GLRX3: variants seen among roughly 807,000 people sequenced by gnomAD.
GLRX3 encodes glutaredoxin-3.
A neutral mutation model predicts 49.5 loss-of-function variants in GLRX3; 22 were observed. The observed-to-expected ratio is 0.44, with a 90% CI of 0.32 to 0.63. GLRX3 has a LOEUF of 0.63. GLRX3 is among the 30% of genes least tolerant of loss of function. The pLI is 0.05. For missense variants in GLRX3, 385 were observed against 396.3 expected, an observed-to-expected ratio of 0.97 and a Z score of 0.24; for synonymous variants, 133 against 140.0, an observed-to-expected ratio of 0.95 and a Z score of 0.35.
At chr10:130,161,754 T>G (rs1862580635) in intron 4 of GLRX3, among the ~76,000 whole-genome samples, 1 of 152,232 alleles carries the variant, frequency 6.6e-6, no homozygotes, top group African/African-American at 2.4e-5. Context: ...ATGATGCTGT[T>G]GAGACTCTAA....
chr10:130,155,210 C>T (rs1416877077), intron 2 of GLRX3, among the ~76,000 whole-genome samples: 1 of 152,102 alleles, frequency 6.6e-6, no homozygotes, highest in Non-Finnish European at 1.5e-5. Flanking sequence ...TGCAGAGTGT[C>T]AAAGCAAAAG....
At chr10:130,169,589 G>A (rs1199995451) in intron 7 of GLRX3, 99 bp downstream of exon 7, 4 of 785,936 alleles carry the variant, frequency 5.1e-6, no homozygotes, top group Middle Eastern at 2.4e-4. Context: ...AGCTAATGAA[G>A]CTGTAGCGAT....
At chr10:130,148,938 G>A (rs1450783737) in intron 2 of GLRX3, among the ~76,000 whole-genome samples, 1 of 152,008 alleles carries the variant, frequency 6.6e-6, no homozygotes, top group East Asian at 1.9e-4. Context: ...TACACCTGTT[G>A]CCCCAGCTAC....
chr10:130,175,023 A>G lies in GLRX3; in HGVS notation c.891A>G (p.Ser297=), dbSNP rs1403732132. Residue 297 remains serine, a synonymous_variant, in exon 10 of 11, where the codon TCA becomes TCG. Coordinates refer to ENST00000331244, the MANE Select transcript of GLRX3 (RefSeq NM_006541.5). ...EEVRQGLKAY[S]NWPTYPQLYV... is the part of the protein sequence containing the mutation. Reference sequence around the variant, plus strand: ...TTCGGCAAGGATTAAAAGCTTACTCAAATTGGCCAACATACCCTCAGCTGT... The same window carrying G: ...TTCGGCAAGGATTAAAAGCTTACTCGAATTGGCCAACATACCCTCAGCTGT... 6.2e-7 allele frequency: 1 copy of G among 1,610,160 alleles called. No homozygotes were observed. Among genetic ancestry groups the G allele is most frequent in the East Asian group, 2.2e-5 (1 of 44,874 alleles).
chr10:130,174,827 T>G (rs192983335), intron 8 of GLRX3, 40 bp from the exon 9 acceptor site: 4 of 1,310,804 alleles, frequency 3.1e-6, no homozygotes. Flanking sequence ...CACTTTGATT[T>G]AACTGTATTT....
At chr10:130,168,589 C>T (rs553456117) in intron 6 of GLRX3, among the ~76,000 whole-genome samples, 4 of 152,312 alleles carry the variant, frequency 2.6e-5, no homozygotes, top group South Asian at 2.1e-4. Context: ...TGACCACAGG[C>T]GTCCGCCACC....
At chr10:130,162,306 G>T (rs888193579) in intron 4 of GLRX3, among the ~76,000 whole-genome samples, 5 of 152,134 alleles carry the variant, frequency 3.3e-5, no homozygotes, top group Admixed American at 3.3e-4. Flanking sequence ...TCTTAGTTCT[G>T]CCTAAAAAAT....
intron 2 of GLRX3, among the ~76,000 whole-genome samples, chr10:130,152,651 G>A (rs1240991135): frequency 1.3e-5 from 2 of 152,162 alleles, no homozygotes; most frequent in Non-Finnish European, 1.5e-5. Flanking sequence ...TGGCTTGTAG[G>A]GTTTCTGCCG....
intron 2 of GLRX3, among the ~76,000 whole-genome samples, chr10:130,156,244 C>T (rs1045927740): frequency 3.9e-5 from 6 of 152,170 alleles, no homozygotes; most frequent in African/African-American, 1.2e-4. Context: ...ACCTTGTTGC[C>T]GTGTCCTCAC....
At chr10:130,141,859 G>GCT (rs1862181436) in intron 1 of GLRX3, among the ~76,000 whole-genome samples, 1 of 152,184 alleles carries the variant, frequency 6.6e-6, no homozygotes, top group Non-Finnish European at 1.5e-5. Flanking sequence ...ATTGCTGGAG[G>GCT]CTATGGTGGG....
chr10:130,171,717 G>C (rs987658771), intron 8 of GLRX3, 81 bp downstream of exon 8: 12 of 840,242 alleles, frequency 1.4e-5, no homozygotes, highest in Non-Finnish European at 2.3e-5. Flanking sequence ...TATAATCCTA[G>C]CACTTTGGGA....
chr10:130,162,606 T>G (rs1282700078), intron 4 of GLRX3, among the ~76,000 whole-genome samples: 1 of 152,224 alleles, frequency 6.6e-6, no homozygotes, highest in Non-Finnish European at 1.5e-5. Flanking sequence ...CTGTGAAATG[T>G]GGGTGAAGCA....
chr10:130,148,987 G>T (rs1347822588), intron 2 of GLRX3, among the ~76,000 whole-genome samples: 1 of 152,132 alleles, frequency 6.6e-6, no homozygotes, highest in Admixed American at 6.5e-5. Context: ...AAGTCCAGGA[G>T]TTAGAGGCTG....
intron 2 of GLRX3, among the ~76,000 whole-genome samples, chr10:130,156,887 C>T (rs924148150): frequency 1.3e-5 from 2 of 152,080 alleles, no homozygotes; most frequent in African/African-American, 4.8e-5. Flanking sequence ...TTTGGTTGGT[C>T]CTGAAGTCTT....
intron 2 of GLRX3, among the ~76,000 whole-genome samples, chr10:130,154,152 G>A (rs1862432260): frequency 6.6e-6 from 1 of 152,202 alleles, no homozygotes; most frequent in South Asian, 2.1e-4. Context: ...GGCACGGGAG[G>A]GAATCTCCTG....
chr10:130,136,660 A>T (rs968004807), intron 1 of GLRX3, 148 bp downstream of exon 1: 232 of 1,030,524 alleles, frequency 2.3e-4, no homozygotes, highest in Non-Finnish European at 2.7e-4. Context: ...CGCCACCCGT[A>T]GACTCCCCCG....
chr10:130,156,957 A>G (rs1046123876), intron 2 of GLRX3, among the ~76,000 whole-genome samples: 3 of 152,214 alleles, frequency 2.0e-5, no homozygotes, highest in Admixed American at 2.0e-4. Context: ...GAAAAAATTA[A>G]CCATAGTATA....
intron 10 of GLRX3, 60 bp downstream of exon 10, chr10:130,175,149 G>A: frequency 1.0e-6 from 1 of 952,470 alleles, no homozygotes; most frequent in South Asian, 1.3e-5. Flanking sequence ...GTTTAAAAAT[G>A]ATTTCATATT....
chr10:130,136,433 G>A lies in GLRX3; in HGVS notation c.13G>A (p.Ala5Thr), dbSNP rs1181513101. Residue 5 changes from alanine (A) to threonine (T), a missense_variant, in exon 1 of 11, where the codon GCG (alanine) becomes ACG (threonine). Physicochemically the swap from Ala to Thr is moderately conservative, Grantham distance 58. Transcript: ENST00000331244. MAAGAAEAAVAAVEE... is the reference protein window; with the variant it reads MAAGTAEAAVAAVEE... The stretch of plus-strand genomic sequence containing the variant: ...TGGCGGCGGCAGCATGGCGGCGGGG[G>A]CGGCTGAGGCAGCTGTAGCGGCCGT... 15 of 1,255,556 alleles carry A rather than the reference G, an allele frequency of 1.2e-5. No individual in the cohort carries two copies. The Admixed American group carries it at 6.2e-4, about 52-fold the overall frequency. The allele number at this position is 1,255,556 out of a possible 1,614,324, so 77.8% of individuals were successfully genotyped here.
Sources: gnomAD v4.1 joint callset for allele counts (sites outside exome capture counted in the v4.1 genomes callset) on GRCh38, gnomAD v4.1.1 for gene constraint, MANE v1.5 for transcripts, NCBI Gene and HGNC (gene_info 2026-07-23, HGNC 2026-07-21) for gene names.